Variants in ILKAP observed in about 807,000 individuals in gnomAD.
The protein encoded by ILKAP is integrin-linked kinase-associated serine/threonine phosphatase 2C.
ILKAP carries 11 observed loss-of-function variants against 49.1 expected under a neutral mutation model. The ratio of observed to expected loss-of-function variants is 0.22; its 90% CI spans 0.14 to 0.37. The LOEUF (loss-of-function observed/expected upper bound fraction) is 0.37. Among genes scored for constraint, ILKAP ranks in the 10% least tolerant of loss-of-function variants. The probability of loss-of-function intolerance (pLI) is 1.00; values close to 1 mark genes in which losing one functional copy is unlikely to be tolerated. For missense variants in ILKAP, 363 were observed against 510.8 expected (o/e 0.71, Z 2.79); for synonymous variants, 186 against 192.8 (o/e 0.96, Z 0.29).
chr2:238,186,884 T>C (rs557543427), intron 5 of ILKAP: 1 of 152,354 alleles, frequency 6.6e-6, no homozygotes, highest in Admixed American at 6.5e-5. Context: ...CAAGGCATGA[T>C]GTAGTGTTCC....
At chr2:238,202,964 C>T (rs1694633451) in intron 1 of ILKAP, among the ~76,000 whole-genome samples, 1 of 151,750 alleles carries the variant, frequency 6.6e-6, no homozygotes, top group Non-Finnish European at 1.5e-5. Context: ...TTCCAGGCTT[C>T]AAAAACACGA....
intron 8 of ILKAP, among the ~76,000 whole-genome samples, chr2:238,183,285 T>C (rs531871446): frequency 6.6e-6 from 1 of 152,292 alleles, no homozygotes; most frequent in Non-Finnish European, 1.5e-5. Context: ...AGCTTTTCAT[T>C]CATTACTGTC....
At chr2:238,190,046 C>A (rs1694058626) in intron 3 of ILKAP, 74 bp from the exon 4 acceptor site, 1 of 1,488,098 alleles carries the variant, frequency 6.7e-7, no homozygotes, top group South Asian at 1.2e-5. Context: ...GACTGGGCTT[C>A]ATCCTAGCAC....
At chr2:238,194,487 G>C (rs1218256940) in intron 2 of ILKAP, 156 bp from the exon 3 acceptor site, 6 of 651,218 alleles carry the variant, frequency 9.2e-6, no homozygotes, top group Admixed American at 8.8e-5. Context: ...ATAATATCTT[G>C]AACCTATTTT....
chr2:238,185,233 T>C lies in ILKAP; in HGVS notation c.480A>G (p.Ser160=), dbSNP rs921261856. ...GATGCAAATTCTGTGCAGCAAATTT[T>C]GAGGCTCGAATTCCTCCATGTCCAT... is the stretch of plus-strand genomic sequence containing the variant. ...VFDGHGGIRA[S]KFAAQNLHQN... The change falls in exon 6 of 12, where the codon TCA becomes TCG. Residue 160 remains serine, a synonymous_variant. Coordinates refer to ENST00000254654, the MANE Select transcript of ILKAP (RefSeq NM_030768.3). 14 of 1,613,912 alleles carry C rather than the reference T, an allele frequency of 8.7e-6. No individual in the cohort carries two copies. Among genetic ancestry groups the C allele is most frequent in the Admixed American group, 3.3e-5 (2 of 59,996 alleles).
At chr2:238,179,634 C>T (rs1041549097) in intron 9 of ILKAP, among the ~76,000 whole-genome samples, 2 of 152,102 alleles carry the variant, frequency 1.3e-5, no homozygotes, top group South Asian at 2.1e-4. Flanking sequence ...CTGTCACCAC[C>T]GGAGCCAAGT....
rs1278983684 is a variant in ILKAP at position 238,182,169 on chromosome 2, A to G, written c.732T>C (p.Tyr244=). Residue 244 remains tyrosine (Y), a synonymous_variant, in exon 9 of 12, where the codon TAT becomes TAC. Transcript: ENST00000254654. ...CTGCATGTTTTTGACTCTCCTCATT[A>G]TAACGACACAAGATTGCCTGGGAAG... ...LGDSRAILCR[Y]NEESQKHAAL... is the part of the protein sequence containing the mutation. The G allele has an allele frequency of 1.2e-5, 19 of 1,613,848 alleles. No individual in the cohort carries two copies. Among genetic ancestry groups the G allele is most frequent in the Middle Eastern group, 1.7e-4 (1 of 6,058 alleles).
intron 4 of ILKAP, 45 bp downstream of exon 4, chr2:238,189,808 T>C: frequency 6.3e-7 from 1 of 1,590,872 alleles, no homozygotes; most frequent in South Asian, 1.1e-5. Flanking sequence ...TGGGTTGTTT[T>C]AAAATATGAA....
chr2:238,189,551 G>A (rs985013995), intron 4 of ILKAP: 1 of 198,394 alleles, frequency 5.0e-6, no homozygotes, highest in African/African-American at 2.4e-5. Flanking sequence ...AGAGAGACTA[G>A]GTGGTCAAAA....
intron 5 of ILKAP, chr2:238,186,246 T>C (rs1693903478): frequency 6.6e-6 from 1 of 152,270 alleles, no homozygotes; most frequent in Admixed American, 6.5e-5. Flanking sequence ...CTGCACAGCA[T>C]GTTACTGCAC....
intron 9 of ILKAP, among the ~76,000 whole-genome samples, chr2:238,180,614 C>T (rs7595453): frequency 0.14 from 20,925 of 152,274 alleles, 1,724 homozygotes; most frequent in Middle Eastern, 0.22. Context: ...GAACAGACCA[C>T]GACAGGGCTC....
chr2:238,187,164 G>A (rs1693940906), intron 5 of ILKAP: 1 of 152,242 alleles, frequency 6.6e-6, no homozygotes, highest in African/African-American at 2.4e-5. Flanking sequence ...GAGGTGGGAG[G>A]ACTGCTTGAG....
At position 238,182,143 on chromosome 2, in the gene ILKAP, G is replaced by A. The variant is rs1693720199; in HGVS notation, c.758C>T (p.Ala253Val). 1 of 1,613,764 alleles carries A rather than the reference G, an allele frequency of 6.2e-7. No individual in the cohort carries two copies. Among genetic ancestry groups the A allele is most frequent in the African/African-American group, 1.3e-5 (1 of 74,888 alleles). Residue 253 changes from alanine (A) to valine (V), a missense_variant, in exon 9 of 12, where the codon GCC becomes GTC. This residue lies in a region of ILKAP where 166 missense variants were observed against 307.3 expected (regional missense o/e 0.54). Coordinates refer to ENST00000254654, the MANE Select transcript of ILKAP (RefSeq NM_030768.3). Reference protein sequence around the residue: ...RYNEESQKHAALSLSKEHNPT... With the variant: ...RYNEESQKHAVLSLSKEHNPT... Reference sequence around the variant, plus strand: ...ATTATGCTCTTTGCTGAGGCTTAAGGCTGCATGTTTTTGACTCTCCTCATT... The same window carrying A: ...ATTATGCTCTTTGCTGAGGCTTAAGACTGCATGTTTTTGACTCTCCTCATT...
intron 9 of ILKAP, among the ~76,000 whole-genome samples, chr2:238,176,604 A>G (rs1023866687): frequency 1.4e-4 from 22 of 152,218 alleles, no homozygotes; most frequent in African/African-American, 5.3e-4. Context: ...CTGTTGGACA[A>G]GCTGTTCAAC....
intron 1 of ILKAP, among the ~76,000 whole-genome samples, 168 bp from the exon 2 acceptor site, chr2:238,195,038 T>A (rs1694287605): frequency 6.6e-6 from 1 of 152,238 alleles, no homozygotes; most frequent in Non-Finnish European, 1.5e-5. Context: ...TAACAGCTTT[T>A]TTAATATGGA....
At chr2:238,191,721 A>G (rs1265640864) in intron 3 of ILKAP, among the ~76,000 whole-genome samples, 2 of 152,070 alleles carry the variant, frequency 1.3e-5, no homozygotes, top group Admixed American at 1.3e-4. Flanking sequence ...AAGCCTGACC[A>G]ACATGGCGAA....
rs4584980 is a variant in ILKAP, at chr2:238,190,666, C to T, written c.179-694G>A. ...GGACAAGTAGGAAGAGCATTTGTCA[C>T]AGTGCCTAACACATCAATCTCCAAT... is the stretch of plus-strand genomic sequence containing the variant. On this transcript the variant is annotated intron_variant, in intron 3 of 11. Coordinates refer to ENST00000254654, the MANE Select transcript of ILKAP (RefSeq NM_030768.3). 1.3e-3 allele frequency among the ~76,000 whole-genome samples: 196 copies of T among 152,272 alleles called. 5 individuals are homozygous for T. The highest frequency in any genetic ancestry group is 0.01 in the Admixed American group (154 of 15,294).
In ILKAP at chr2:238,196,043, C is replaced by CAAAA. The variant is rs71043116; in HGVS notation, c.56-1177_56-1174dup. Among the ~76,000 whole-genome samples, 91 of 67,864 alleles carry CAAAA rather than the reference C, an allele frequency of 1.3e-3. 3 individuals are homozygous for CAAAA. Among genetic ancestry groups the CAAAA allele is most frequent in the African/African-American group, 3.4e-3 (54 of 15,840 alleles). The allele number at this position is 67,864 out of a possible 152,430, so 44.5% of individuals were successfully genotyped here. On this transcript the variant is annotated intron_variant, in intron 1 of 11. Transcript: ENST00000254654. ...TAGGCAACACAGTGAGACTCTGTCA[C>CAAAA]AAAAAAAAAAAAAAAAAAAGTACTC...
At chr2:238,183,290 ACTGT>A (rs563789878) in intron 8 of ILKAP, among the ~76,000 whole-genome samples, 149 of 152,312 alleles carry the variant, frequency 9.8e-4, no homozygotes, top group African/African-American at 3.5e-3. Flanking sequence ...TTCATTCATT[ACTGT>A]CTAAGGTCAG....
Sources: gnomAD v4.1 joint callset for allele counts (sites outside exome capture counted in the v4.1 genomes callset) on GRCh38, gnomAD v4.1.1 for gene constraint, gnomAD v4.1.1 regional missense constraint, MANE v1.5 for transcripts, NCBI Gene and HGNC (gene_info 2026-07-23, HGNC 2026-07-21) for gene names.